CENPP: variants seen among roughly 807,000 people sequenced by gnomAD.
The protein encoded by CENPP is centromere protein P.
CENPP carries 24 observed loss-of-function variants against 35.6 expected under a neutral mutation model. That is an observed-to-expected ratio of 0.67 (90% CI 0.49 to 0.95). CENPP has a LOEUF of 0.95. CENPP is among the 40% of genes least tolerant of loss of function. CENPP has a pLI of 0.00. For synonymous variants in CENPP, 120 were observed against 125.5 expected, an observed-to-expected ratio of 0.96 and a Z score of 0.29; for missense variants, 332 against 345.3, an observed-to-expected ratio of 0.96 and a Z score of 0.31.
chr9:92,441,947 T>C (rs1033616573), intron 5 of CENPP, among the ~76,000 whole-genome samples: 6 of 152,094 alleles, frequency 3.9e-5, no homozygotes, highest in South Asian at 2.1e-4. Flanking sequence ...GGTAATTGTA[T>C]TGTAGTTAAT....
chr9:92,367,150 C>T (rs974998800), intron 4 of CENPP, among the ~76,000 whole-genome samples: 9 of 152,098 alleles, frequency 5.9e-5, no homozygotes, highest in Admixed American at 3.9e-4. Context: ...GTGGAGGAAA[C>T]GTTTATTTTA....
At chr9:92,585,337 G>C (rs940863092) in intron 5 of CENPP, among the ~76,000 whole-genome samples, 1 of 152,154 alleles carries the variant, frequency 6.6e-6, no homozygotes, top group Non-Finnish European at 1.5e-5. Context: ...AAGGAGGATA[G>C]TTTTGGAGAT....
At chr9:92,462,224 T>A (rs1845142132) in intron 5 of CENPP, among the ~76,000 whole-genome samples, 1 of 152,176 alleles carries the variant, frequency 6.6e-6, no homozygotes, top group Admixed American at 6.5e-5. Context: ...GCGATCCGCC[T>A]ACCTTGGCCT....
intron 5 of CENPP, among the ~76,000 whole-genome samples, chr9:92,551,875 G>A (rs1489457104): frequency 6.8e-6 from 1 of 146,458 alleles, no homozygotes; most frequent in African/African-American, 2.5e-5. Context: ...ATACTATGGA[G>A]CCATAAAAAG....
intron 5 of CENPP, chr9:92,474,998 A>C: frequency 2.2e-6 from 3 of 1,376,558 alleles, no homozygotes; most frequent in Non-Finnish European, 2.8e-6. Context: ...AGTTCTGGCA[A>C]GAGTGCAATG....
At chr9:92,432,280 GC>G (rs1455671029) in intron 5 of CENPP, among the ~76,000 whole-genome samples, 1 of 151,804 alleles carries the variant, frequency 6.6e-6, no homozygotes, top group African/African-American at 2.4e-5. Context: ...AGTCAAGATG[GC>G]GCCATTGCAC....
chr9:92,403,338 GGGT>G (rs1397049526), intron 5 of CENPP: 2 of 1,613,630 alleles, frequency 1.2e-6, no homozygotes, highest in Admixed American at 3.3e-5. Context: ...GAGTCCTGCT[GGGT>G]TGGTGGTGCT....
At chr9:92,561,152 G>C (rs1399852224) in intron 5 of CENPP, among the ~76,000 whole-genome samples, 2 of 152,030 alleles carry the variant, frequency 1.3e-5, no homozygotes, top group African/African-American at 2.4e-5. Flanking sequence ...CCTGTTTTAA[G>C]TTCTGAGCTC....
intron 5 of CENPP, among the ~76,000 whole-genome samples, chr9:92,441,226 T>C (rs538798372): frequency 1.3e-5 from 2 of 152,330 alleles, no homozygotes; most frequent in South Asian, 4.1e-4. Flanking sequence ...CTATGTACTT[T>C]TCTATACATA....
chr9:92,536,274 CTTGA>C (rs1374749302), intron 5 of CENPP, among the ~76,000 whole-genome samples: 2 of 151,944 alleles, frequency 1.3e-5, no homozygotes, highest in African/African-American at 2.4e-5. Flanking sequence ...CAAAAATGAG[CTTGA>C]TTAAGAAATC....
chr9:92,375,248 T>C (rs1301482038), intron 4 of CENPP, among the ~76,000 whole-genome samples: 1 of 152,128 alleles, frequency 6.6e-6, no homozygotes, highest in Non-Finnish European at 1.5e-5. Context: ...TTTTTCTTTC[T>C]CTTTCTTAGA....
At chr9:92,552,636 G>A (rs578163962) in intron 5 of CENPP, among the ~76,000 whole-genome samples, 4 of 152,048 alleles carry the variant, frequency 2.6e-5, no homozygotes, top group South Asian at 2.1e-4. Context: ...GGCCATTTGT[G>A]TATCTTCTTT....
rs765634234 is a variant in CENPP, at chr9:92,518,578, A to T, written c.565-92736A>T. 3.3e-5 allele frequency among the ~76,000 whole-genome samples: 5 copies of T among 152,160 alleles called. 1 individual carries two copies. Among genetic ancestry groups the T allele is most frequent in the Admixed American group, 3.3e-4 (5 of 15,278 alleles). On this transcript the variant is annotated intron_variant, in intron 5 of 7. Transcript: ENST00000375587. The stretch of plus-strand genomic sequence containing the variant: ...ATTATGCTATTGAAATATGATTCAC[A>T]TACTATAATATTCACCCTTTTGAAG...
At chr9:92,395,245 A>G (rs72752445) in intron 5 of CENPP, among the ~76,000 whole-genome samples, 4,673 of 152,266 alleles carry the variant, frequency 0.031, 111 homozygotes, top group South Asian at 0.084. Flanking sequence ...TTTGGTCAGT[A>G]TACATTAGTT....
chr9:92,335,276 TATAAAGAAAAAATAAAGCCTGGAC>T (rs1840890236), intron 2 of CENPP, among the ~76,000 whole-genome samples: 1 of 152,268 alleles, frequency 6.6e-6, no homozygotes, highest in South Asian at 2.1e-4. Flanking sequence ...AGTGTTCATC[TATAAAGAAAAAATAAAGCCTGGAC>T]ATAAAGAAAA....
intron 4 of CENPP, among the ~76,000 whole-genome samples, chr9:92,378,620 C>G (rs1284147038): frequency 6.6e-6 from 1 of 152,148 alleles, no homozygotes; most frequent in Non-Finnish European, 1.5e-5. Flanking sequence ...TATGCTTACT[C>G]TATCATTACT....
chr9:92,512,002 T>C lies in CENPP; in HGVS notation c.565-99312T>C, dbSNP rs1286228324. 2.5e-6 allele frequency: 4 copies of C among 1,589,406 alleles called. No homozygotes were observed. The East Asian group carries it at 6.8e-5, about 27-fold the overall frequency. ...TCATCCAAATAGACAAATCAGAGCATGTATTTACCTTGAATGCTTTTGGAC... is the reference window on the plus strand; with the variant it reads ...TCATCCAAATAGACAAATCAGAGCACGTATTTACCTTGAATGCTTTTGGAC... On this transcript the variant is annotated intron_variant, in intron 5 of 7. Transcript: ENST00000375587.
At chr9:92,434,850 A>G (rs988268696) in intron 5 of CENPP, among the ~76,000 whole-genome samples, 1 of 152,072 alleles carries the variant, frequency 6.6e-6, no homozygotes, top group Non-Finnish European at 1.5e-5. Context: ...CAAGAAGTTC[A>G]AGACCAGCCG....
intron 5 of CENPP, among the ~76,000 whole-genome samples, chr9:92,444,590 G>C (rs1006107807): frequency 6.6e-6 from 1 of 152,202 alleles, no homozygotes; most frequent in South Asian, 2.1e-4. Flanking sequence ...ATTTATGTCT[G>C]TTTTACGAGT....
Sources: allele counts gnomAD v4.1 joint callset (sites outside exome capture counted in the v4.1 genomes callset), GRCh38; gene constraint gnomAD v4.1.1; transcripts MANE v1.5; gene names NCBI Gene and HGNC (gene_info 2026-07-23, HGNC 2026-07-21).